Variants in INTS1 observed in about 807,000 individuals in gnomAD.
The protein encoded by INTS1 is integrator complex subunit 1.
A neutral mutation model predicts 241.6 loss-of-function variants in INTS1; 137 were observed. That is an observed-to-expected ratio of 0.57 (90% CI 0.49 to 0.65). The LOEUF (loss-of-function observed/expected upper bound fraction) is 0.65. INTS1 is among the 30% of genes least tolerant of loss of function. The pLI, the probability that INTS1 is intolerant of heterozygous loss-of-function variation, is 0.00. For missense variants in INTS1, 3,073 were observed against 3,032.2 expected (o/e 1.01, Z -0.32); for synonymous variants, 1,692 against 1,337.8 (o/e 1.26, Z -5.78).
chr7:1,498,316 C>A (rs763705652), intron 10 of INTS1, 96 bp downstream of exon 10: 13 of 1,529,596 alleles, frequency 8.5e-6, no homozygotes, highest in Non-Finnish European at 1.1e-5. Context: ...CCACGAAGCA[C>A]TGCCAATCCA....
At chr7:1,478,016 G>C in intron 33 of INTS1, 80 bp from the exon 34 acceptor site, 2 of 1,151,920 alleles carry the variant, frequency 1.7e-6, no homozygotes, top group Admixed American at 3.5e-5. Context: ...TAGCCAGGGT[G>C]GGGTGTGGGG....
Position 1,470,928 on chromosome 7 carries a change from G to T in INTS1, c.6375C>A (p.Phe2125Leu). ...AGTCCTGGCTGCCCAGGCAGTACAT[G>T]AACGTGGGCAGGAAAGCGGCTGCAA... ...PSIAAAFLPT[F>L]MYCLGSQDFE... Residue 2125 changes from phenylalanine (F) to leucine (L), a missense_variant, in exon 47 of 48, where the codon TTC (phenylalanine) becomes TTA (leucine). Phe to Leu is a conservative substitution (Grantham distance 22, BLOSUM62 0). Transcript: ENST00000404767. The T allele has an allele frequency of 1.3e-6, 2 of 1,578,932 alleles. No homozygotes were observed. Among genetic ancestry groups the T allele is most frequent in the South Asian group, 1.2e-5 (1 of 86,416 alleles).
intron 32 of INTS1, 78 bp from the exon 33 acceptor site, chr7:1,478,584 G>A (rs1447870739): frequency 3.2e-6 from 5 of 1,540,532 alleles, no homozygotes; most frequent in African/African-American, 1.4e-5. Flanking sequence ...AGGCCCCACG[G>A]TAGAAGGGCT....
chr7:1,470,804 C>T (rs1374374212), intron 47 of INTS1, 42 bp downstream of exon 47: 11 of 1,519,276 alleles, frequency 7.2e-6, no homozygotes, highest in African/African-American at 1.4e-5. Flanking sequence ...CTCCGGCCTC[C>T]CCGAGGGCTG....
In INTS1 at chr7:1,475,987, T is replaced by C. The variant is rs922331480; in HGVS notation, c.5463A>G (p.Leu1821=). 6.5e-6 allele frequency: 10 copies of C among 1,545,228 alleles called. No individual in the cohort carries two copies. The Admixed American group carries it at 1.4e-4, about 21-fold the overall frequency. Residue 1821 remains leucine (L), a synonymous_variant, in exon 39 of 48, where the codon CTA becomes CTG. Transcript: ENST00000404767. ...TGCTGGCAGCCCCTTCGCTGTGCAG[T>C]AGGACCTCAGGCACGGGCACCCGCA... The part of the protein sequence containing the change: ...PELRVPVPEV[L]LHSEGAASSS...
Position 1,502,931 on chromosome 7 carries a change from T to A in INTS1, c.319A>T (p.Ile107Phe). The A allele has an allele frequency of 6.2e-7, 1 of 1,613,820 alleles. No homozygotes were observed. Among genetic ancestry groups the A allele is most frequent in the Non-Finnish European group, 8.5e-7 (1 of 1,179,870 alleles). ...ATTGGCACCACAGATGGCTCTTTAA[T>A]CGACGGAGAAATGGCTCGTTTTTCT... ...VAEKRAISPS[I>F]KEPSVVPIEV... Residue 107 changes from isoleucine to phenylalanine, a missense_variant, in exon 3 of 48, where the codon ATT becomes TTT. Physicochemically the swap from Ile to Phe is conservative, Grantham distance 21. Transcript: ENST00000404767.
rs548040862 is a variant in INTS1, at chr7:1,481,304, C to T, written c.3850+38G>A. On this transcript the variant is annotated intron_variant, in intron 28 of 47. Transcript: ENST00000404767. This position sits in a 1 kb window ranked among gnomAD's most constrained non-coding sequence, Gnocchi z 6.8. ...CCTGGCCGGGCTGGGGCTCGGTCAG[C>T]GTGTGTGAACCCACTCCGCAGGTCC... 16 of 1,610,634 alleles carry T rather than the reference C, an allele frequency of 9.9e-6. No homozygotes were observed. Among genetic ancestry groups the T allele is most frequent in the Middle Eastern group, 1.7e-4 (1 of 6,054 alleles).
intron 45 of INTS1, 75 bp from the exon 46 acceptor site, chr7:1,471,299 C>A: frequency 6.9e-7 from 1 of 1,451,192 alleles, no homozygotes; most frequent in Non-Finnish European, 9.4e-7. Flanking sequence ...CTCTTGGTCT[C>A]GTGATGGTTG....
In INTS1 at chr7:1,497,305, T is replaced by C. The variant is rs752041578; in HGVS notation, c.1435A>G (p.Met479Val). 1.2e-6 allele frequency: 2 copies of C among 1,612,498 alleles called. No individual in the cohort carries two copies. Among genetic ancestry groups the C allele is most frequent in the Admixed American group, 1.7e-5 (1 of 59,900 alleles). ...SSELAPKFLAMVFQDLLTNKD... is the reference protein window; with the variant it reads ...SSELAPKFLAVVFQDLLTNKD... Reference sequence around the variant, plus strand: ...TTGGTCAGCAGGTCCTGGAACACCATGGCCAGGAACTGGGGCAGAGAGAGG... The same window carrying C: ...TTGGTCAGCAGGTCCTGGAACACCACGGCCAGGAACTGGGGCAGAGAGAGG... The change falls in exon 11 of 48, where the codon ATG becomes GTG. Residue 479 changes from methionine to valine, a missense_variant. Physicochemically the swap from Met to Val is conservative, Grantham distance 21. Transcript: ENST00000404767. This position sits in a 1 kb window ranked among gnomAD's most constrained non-coding sequence, Gnocchi z 5.3.
At chr7:1,479,764 C>A in intron 30 of INTS1, 80 bp from the exon 31 acceptor site, 1 of 1,377,090 alleles carries the variant, frequency 7.3e-7, no homozygotes, top group Non-Finnish European at 9.5e-7. Flanking sequence ...GCGCCCGGTG[C>A]AGCTCCGTGC....
chr7:1,499,822 C>G (rs1783067886), intron 5 of INTS1, 62 bp downstream of exon 5: 1 of 1,555,166 alleles, frequency 6.4e-7, no homozygotes, highest in African/African-American at 1.4e-5. Flanking sequence ...CTGCTTTTCT[C>G]TCGCCCCTGC....
intron 16 of INTS1, among the ~76,000 whole-genome samples, chr7:1,489,985 T>C (rs1053498208): frequency 2.0e-5 from 3 of 152,038 alleles, no homozygotes; most frequent in African/African-American, 7.3e-5. Context: ...CTACATGACA[T>C]AACAGACACC....
rs1401708896 is a variant in INTS1 at position 1,480,323 on chromosome 7, G to A, written c.4068C>T (p.Phe1356=). The A allele has an allele frequency of 1.2e-6, 2 of 1,607,466 alleles. No individual in the cohort carries two copies. Among genetic ancestry groups the A allele is most frequent in the Non-Finnish European group, 1.7e-6 (2 of 1,177,332 alleles). ...CATGCAGCAGCAACGCTACCTGGAG[G>A]AACATGCCAGCCAGGTCGTCCTCAG... The part of the protein sequence containing the change: ...LGPEDDLAGM[F]LQIFPLSPDP... Residue 1356 remains phenylalanine, a synonymous_variant, in exon 30 of 48, where the codon TTC becomes TTT. Transcript: ENST00000404767.
chr7:1,473,349 G>A (rs1002106376), intron 42 of INTS1, among the ~76,000 whole-genome samples, 165 bp from the exon 43 acceptor site: 1 of 152,202 alleles, frequency 6.6e-6, no homozygotes, highest in South Asian at 2.1e-4. Context: ...TGCGTGGAAC[G>A]GGACAGAGAG....
chr7:1,480,814 G>A (rs1212282882), intron 29 of INTS1, 21 bp downstream of exon 29: 1 of 1,535,368 alleles, frequency 6.5e-7, no homozygotes, highest in Non-Finnish European at 8.8e-7. Context: ...TCTCTGTGCT[G>A]GCCCCACCCC....
Position 1,470,382 on chromosome 7 carries a change from C to A in INTS1, c.*195G>T. On this transcript the variant is annotated 3_prime_UTR_variant, in exon 48 of 48. Transcript: ENST00000404767. The stretch of plus-strand genomic sequence containing the variant: ...AGAAGGTGAATGAGGGCTTGCTGGA[C>A]GGCCCCTGATGCCAGCGGCCGGCCC... 1 of 518,550 alleles carries A rather than the reference C, an allele frequency of 1.9e-6. No individual in the cohort carries two copies. The highest frequency in any genetic ancestry group is 3.4e-6 in the Non-Finnish European group (1 of 295,696). 32.1% of individuals were successfully genotyped at this position (518,550 alleles called of 1,614,324 possible). A position where few individuals can be genotyped will look rare whatever the true frequency, so the allele number is the denominator to read the frequency against.
Position 1,478,420 on chromosome 7 carries a change from C to T in INTS1, c.4576G>A (p.Ala1526Thr), listed in dbSNP as rs778927436. 5.7e-5 allele frequency: 92 copies of T among 1,612,518 alleles called. No individual in the cohort carries two copies. Among genetic ancestry groups the T allele is most frequent in the South Asian group, 1.2e-4 (11 of 91,056 alleles). ...CACTGCTCCCCAGACCTCAGGGTGGCGATGACGGCACGGACGGTGGAGCTG... is the reference window on the plus strand; with the variant it reads ...CACTGCTCCCCAGACCTCAGGGTGGTGATGACGGCACGGACGGTGGAGCTG... ...VVSSTVRAVI[A>T]TLRSGEQCSV... is the part of the protein sequence containing the mutation. Residue 1526 changes from alanine (A) to threonine (T), a missense_variant, in exon 33 of 48, where the codon GCC (alanine) becomes ACC (threonine). Coordinates refer to ENST00000404767, the MANE Select transcript of INTS1 (RefSeq NM_001080453.3).
Position 1,485,323 on chromosome 7 carries a change from G to A in INTS1, c.3123C>T (p.Ser1041=), listed in dbSNP as rs200517943. The change falls in exon 23 of 48, where the codon AGC becomes AGT. Residue 1041 remains serine, a synonymous_variant. Transcript: ENST00000404767. ...RDLPRLPLFD[S]VRSTTALALQ... Reference sequence around the variant, plus strand: ...GGGCCAGGGCTGTGGTGCTCCTGACGCTGTCGAACAGAGGCAGGCGAGGCA... The same window carrying A: ...GGGCCAGGGCTGTGGTGCTCCTGACACTGTCGAACAGAGGCAGGCGAGGCA... The A allele has an allele frequency of 1.6e-5, 26 of 1,611,846 alleles. No individual in the cohort carries two copies. The highest frequency in any genetic ancestry group is 6.7e-5 in the Admixed American group (4 of 60,020).
At position 1,503,081 on chromosome 7, in the gene INTS1, G is replaced by C; in HGVS notation, c.169C>G (p.Arg57Gly). Residue 57 changes from arginine to glycine, a missense_variant, in exon 3 of 48, where the codon CGC becomes GGC. By Grantham distance (125) the Arg-to-Gly change is moderately radical. Coordinates refer to ENST00000404767, the MANE Select transcript of INTS1 (RefSeq NM_001080453.3). ...KPAPSGLPSE[R>G]KRDAAAALSS... ...AACGCGGCCGCCGCATCCCGCTTGC[G>C]CTCAGAAGGCAGGCCGGAAGGGGCT... 1.2e-6 allele frequency: 2 copies of C among 1,612,258 alleles called. No individual in the cohort carries two copies. The highest frequency in any genetic ancestry group is 1.7e-6 in the Non-Finnish European group (2 of 1,178,738).
Sources: allele counts gnomAD v4.1 joint callset (sites outside exome capture counted in the v4.1 genomes callset), GRCh38; gene constraint gnomAD v4.1.1; non-coding constraint Gnocchi (gnomAD v3.1); transcripts MANE v1.5; gene names NCBI Gene and HGNC (gene_info 2026-07-23, HGNC 2026-07-21).